RPIA: variants seen among roughly 807,000 people sequenced by gnomAD.
The protein encoded by RPIA is ribose-5-phosphate isomerase.
Under a neutral mutation model 37.8 loss-of-function variants are expected in RPIA, and 29 were observed. The observed-to-expected ratio is 0.77, with a 90% CI of 0.57 to 1.05. RPIA has a LOEUF of 1.05. Among genes scored for constraint, RPIA ranks in the 50% least tolerant of loss-of-function variants. The pLI is 0.00. For synonymous variants in RPIA, 167 were observed against 157.0 expected (o/e 1.06, Z -0.48); for missense variants, 385 against 413.6 (o/e 0.93, Z 0.60).
chr2:88,696,675 A>G (rs1246276820), intron 1 of RPIA, among the ~76,000 whole-genome samples: 1 of 152,226 alleles, frequency 6.6e-6, no homozygotes, highest in Non-Finnish European at 1.5e-5. Flanking sequence ...GAACCTGTTC[A>G]TAGGTGTCTT....
Position 88,734,549 on chromosome 2 carries a change from C to T in RPIA, c.463-3C>T, listed in dbSNP as rs776256071. 1.2e-6 allele frequency: 2 copies of T among 1,612,156 alleles called. No individual in the cohort carries two copies. Among genetic ancestry groups the T allele is most frequent in the Admixed American group, 1.7e-5 (1 of 59,990 alleles). On this transcript the variant is annotated splice_polypyrimidine_tract_variant and splice_region_variant and intron_variant, in intron 4 of 8. Transcript: ENST00000283646. ...TTGTATCTTTACCTTTCCCCCAATA[C>T]AGATCGACCTTGCCATCGATGGTGC... is the stretch of plus-strand genomic sequence containing the variant.
At chr2:88,712,905 G>T (rs1646229122) in intron 3 of RPIA, among the ~76,000 whole-genome samples, 1 of 151,358 alleles carries the variant, frequency 6.6e-6, no homozygotes, top group African/African-American at 2.4e-5. Context: ...TCTTGCTGTT[G>T]TCATCCAGGC....
In RPIA at chr2:88,746,960, A is replaced by G. The variant is rs764063156; in HGVS notation, c.839-3021A>G. On this transcript the variant is annotated intron_variant, in intron 8 of 8. Coordinates refer to ENST00000283646, the MANE Select transcript of RPIA (RefSeq NM_144563.3). The stretch of plus-strand genomic sequence containing the variant: ...AGGGGGGATACAAGCTTGTCTATGT[A>G]GGCCAGGATAAGTATTTTGGTTTCT... 7.3e-4 allele frequency among the ~76,000 whole-genome samples: 111 copies of G among 152,178 alleles called. 3 individuals are homozygous for G. The highest frequency in any genetic ancestry group is 2.1e-4 in the Non-Finnish European group (14 of 68,026).
At chr2:88,715,825 C>T (rs1235445212) in intron 3 of RPIA, among the ~76,000 whole-genome samples, 1 of 152,034 alleles carries the variant, frequency 6.6e-6, no homozygotes, top group Non-Finnish European at 1.5e-5. Context: ...GAGGTTTATT[C>T]CTTTAAGAAA....
At chr2:88,720,771 T>G (rs1209024129) in intron 3 of RPIA, among the ~76,000 whole-genome samples, 1 of 151,876 alleles carries the variant, frequency 6.6e-6, no homozygotes, top group Non-Finnish European at 1.5e-5. Flanking sequence ...TTGGTGAGAG[T>G]GTAAATTAGT....
At chr2:88,709,187 G>A (rs941219373) in intron 3 of RPIA, among the ~76,000 whole-genome samples, 1 of 152,216 alleles carries the variant, frequency 6.6e-6, no homozygotes, top group Admixed American at 6.5e-5. Flanking sequence ...CTAGTAAAAT[G>A]AGTTCTTCTA....
rs574954830 is a variant in RPIA, at chr2:88,727,744, A to G, written c.403-1534A>G. On this transcript the variant is annotated intron_variant, in intron 3 of 8. Coordinates refer to ENST00000283646, the MANE Select transcript of RPIA (RefSeq NM_144563.3). ...CTCTTTTTGTTTTTAACGGCTGCAT[A>G]GTTCTGATAGTACTTTTGGAGAAAT... 2.6e-5 allele frequency among the ~76,000 whole-genome samples: 4 copies of G among 152,336 alleles called. No homozygotes were observed. In the South Asian group the frequency reaches 8.3e-4, roughly 32 times the overall value.
rs1673495561 is a variant in RPIA at position 88,750,696 on chromosome 2, G to A, written c.*618G>A. ...GAAAATGTTGTTACACTTTTGCTAA[G>A]ATCTGGGGGTTTCTTCATATTCCTG... On this transcript the variant is annotated 3_prime_UTR_variant, in exon 9 of 9. Transcript: ENST00000283646. 5.0e-6 allele frequency: 2 copies of A among 399,352 alleles called. No individual in the cohort carries two copies. Among genetic ancestry groups the A allele is most frequent in the Non-Finnish European group, 4.4e-6 (1 of 226,418 alleles). The allele number at this position is 399,352 out of a possible 1,614,324, so 24.7% of individuals were successfully genotyped here. A position where few individuals can be genotyped will look rare whatever the true frequency, so the allele number is the denominator to read the frequency against.
intron 1 of RPIA, among the ~76,000 whole-genome samples, chr2:88,697,830 T>C (rs1573459044): frequency 6.6e-6 from 1 of 152,152 alleles, no homozygotes; most frequent in Non-Finnish European, 1.5e-5. Flanking sequence ...TGACATACTT[T>C]ATTATTTTGA....
chr2:88,733,678 CTG>C (rs1306734332), intron 4 of RPIA, among the ~76,000 whole-genome samples: 2 of 152,198 alleles, frequency 1.3e-5, no homozygotes, highest in Admixed American at 1.3e-4. Context: ...CCATATGAAA[CTG>C]TATTTTTTAT....
chr2:88,707,750 C>T (rs1672914688), intron 3 of RPIA, among the ~76,000 whole-genome samples: 1 of 152,136 alleles, frequency 6.6e-6, no homozygotes, highest in Non-Finnish European at 1.5e-5. Context: ...AAATGTCTTC[C>T]AGGAGTTTGT....
intron 3 of RPIA, among the ~76,000 whole-genome samples, chr2:88,701,503 C>T (rs1015230664): frequency 3.2e-4 from 49 of 152,094 alleles, no homozygotes; most frequent in African/African-American, 1.2e-3. Flanking sequence ...ACACTACCCT[C>T]ACTTTCCCCT....
chr2:88,738,201 C>A, intron 8 of RPIA, 125 bp downstream of exon 8: 1 of 745,454 alleles, frequency 1.3e-6, no homozygotes, highest in Non-Finnish European at 2.4e-6. Context: ...GAAGAATTCC[C>A]TTTATACCAT....
intron 8 of RPIA, among the ~76,000 whole-genome samples, chr2:88,743,499 T>A (rs1015986791): frequency 3.9e-5 from 6 of 152,198 alleles, no homozygotes. Context: ...GTAGTTTTCT[T>A]TTTTTGTTAT....
At chr2:88,749,274 A>T (rs1673473975) in intron 8 of RPIA, among the ~76,000 whole-genome samples, 1 of 152,176 alleles carries the variant, frequency 6.6e-6, no homozygotes, top group East Asian at 1.9e-4. Flanking sequence ...TTTGCATCCC[A>T]GCAGAATTTC....
intron 3 of RPIA, among the ~76,000 whole-genome samples, chr2:88,721,897 T>G (rs1334090051): frequency 6.6e-6 from 1 of 151,234 alleles, no homozygotes; most frequent in Non-Finnish European, 1.5e-5. Flanking sequence ...ATATAAATGG[T>G]TTTTTTTAAA....
rs149060045 is a variant in RPIA at position 88,717,423 on chromosome 2, G to A, written c.403-11855G>A. Among the ~76,000 whole-genome samples, 101 of 152,206 alleles carry A rather than the reference G, an allele frequency of 6.6e-4. No homozygotes were observed. The East Asian group carries it at 0.017, about 26-fold the overall frequency. Reference sequence around the variant, plus strand: ...GAACATTGGTTTGGTCTGGAAAGGCGGGACAACTCGAAGCAAAGGCGGGAA... The same window carrying A: ...GAACATTGGTTTGGTCTGGAAAGGCAGGACAACTCGAAGCAAAGGCGGGAA... On this transcript the variant is annotated intron_variant, in intron 3 of 8. Transcript: ENST00000283646.
chr2:88,735,798 C>G, intron 6 of RPIA, 61 bp downstream of exon 6: 1 of 1,518,406 alleles, frequency 6.6e-7, no homozygotes, highest in Non-Finnish European at 9.1e-7. Flanking sequence ...CAAGCCGCAT[C>G]CCCATTTTTG....
At chr2:88,712,459 G>C (rs1672971703) in intron 3 of RPIA, among the ~76,000 whole-genome samples, 1 of 152,150 alleles carries the variant, frequency 6.6e-6, no homozygotes. Context: ...TTAGGTAATT[G>C]TAATTCTGAA....
Sources: allele counts gnomAD v4.1 joint callset (sites outside exome capture counted in the v4.1 genomes callset), GRCh38; gene constraint gnomAD v4.1.1; transcripts MANE v1.5; gene names NCBI Gene and HGNC (gene_info 2026-07-23, HGNC 2026-07-21).